Variants in ZNF124 observed in about 807,000 individuals in gnomAD.
ZNF124 encodes zinc finger protein HZF-16.
ZNF124 carries 25 observed loss-of-function variants against 26.6 expected under a neutral mutation model. That is an observed-to-expected ratio of 0.94 (90% CI 0.68 to 1.31). ZNF124 has a LOEUF of 1.31. Among genes scored for constraint, ZNF124 ranks in the 40% most tolerant of loss-of-function variants. The probability of loss-of-function intolerance (pLI) is 0.00; values close to 1 mark genes in which losing one functional copy is unlikely to be tolerated. For missense variants in ZNF124, 444 were observed against 422.2 expected, an observed-to-expected ratio of 1.05 and a Z score of -0.45; for synonymous variants, 129 against 133.3, an observed-to-expected ratio of 0.97 and a Z score of 0.22.
chr1:247,125,944 T>C (rs1672207903), intron 3 of ZNF124, among the ~76,000 whole-genome samples: 2 of 150,916 alleles, frequency 1.3e-5, no homozygotes, highest in Non-Finnish European at 1.5e-5. Context: ...GTAAATATTG[T>C]ACAATTGTAT....
At chr1:247,143,299 AAAGT>A (rs1278650841) in intron 3 of ZNF124, among the ~76,000 whole-genome samples, 1 of 152,236 alleles carries the variant, frequency 6.6e-6, no homozygotes, top group Non-Finnish European at 1.5e-5. Context: ...AAGGATTGTT[AAAGT>A]AAATTCAAAG....
chr1:247,150,270 G>A (rs900851955), downstream of ZNF124, among the ~76,000 whole-genome samples: 3 of 152,090 alleles, frequency 2.0e-5, no homozygotes, highest in African/African-American at 7.2e-5. Flanking sequence ...AATAAAATAT[G>A]AAAATAACTT....
intron 3 of ZNF124, among the ~76,000 whole-genome samples, chr1:247,147,162 C>T (rs1218422723): frequency 7.5e-6 from 1 of 133,346 alleles, no homozygotes; most frequent in Non-Finnish European, 1.6e-5. Flanking sequence ...AGTGTTTTAG[C>T]AAGTTTTTTT....
chr1:247,147,460 C>T (rs1038628389), intron 3 of ZNF124, among the ~76,000 whole-genome samples: 2 of 152,044 alleles, frequency 1.3e-5, no homozygotes, highest in East Asian at 1.9e-4. Context: ...CTCCTGACCT[C>T]GTGATCCACA....
exon 4 of ZNF124, chr1:247,122,836 G>C (rs1370085038): frequency 6.6e-6 from 1 of 152,274 alleles, no homozygotes; most frequent in Non-Finnish European, 1.5e-5. Context: ...GTGCTACAGA[G>C]AGATGTTTCT....
At chr1:247,130,874 A>C (rs1385031702) in intron 3 of ZNF124, among the ~76,000 whole-genome samples, 5 of 152,296 alleles carry the variant, frequency 3.3e-5, no homozygotes, top group Admixed American at 2.6e-4. Context: ...TCAGGAGTTC[A>C]AGACCAGCCT....
At chr1:247,124,320 A>T (rs1222818144) in intron 3 of ZNF124, among the ~76,000 whole-genome samples, 7 of 151,376 alleles carry the variant, frequency 4.6e-5, no homozygotes, top group Non-Finnish European at 1.0e-4. Flanking sequence ...TCTCCTGCCT[A>T]AGTCTCCTGC....
chr1:247,138,586 G>A (rs1326163223), intron 3 of ZNF124: 1 of 391,256 alleles, frequency 2.6e-6, no homozygotes, highest in African/African-American at 2.1e-5. Flanking sequence ...GTTTTCGTTT[G>A]TTTTAGAAGA....
intron 3 of ZNF124, among the ~76,000 whole-genome samples, chr1:247,130,221 A>G (rs988337136): frequency 1.3e-5 from 2 of 152,222 alleles, no homozygotes; most frequent in Non-Finnish European, 2.9e-5. Flanking sequence ...AAAATATTAG[A>G]TATCTAGTCA....
chr1:247,156,874 G>T lies in ZNF124; in HGVS notation c.748C>A (p.Gln250Lys). 6.2e-7 allele frequency: 1 copy of T among 1,613,664 alleles called. No individual in the cohort carries two copies. Among genetic ancestry groups the T allele is most frequent in the South Asian group, 1.1e-5 (1 of 91,048 alleles). Reference protein sequence around the residue: ...GKAFSCLSSLQGHIKAHAGEE... With the variant: ...GKAFSCLSSLKGHIKAHAGEE... ...CCAGCATGAGCCTTTATATGTCCTT[G>T]CAAGGAACTGAGACAACTGAAAGCT... The change falls in exon 4 of 4, where the codon CAA becomes AAA. Residue 250 changes from glutamine (Q) to lysine (K), a missense_variant. Coordinates refer to ENST00000543802, the MANE Select transcript of ZNF124 (RefSeq NM_001297568.2).
In ZNF124 at chr1:247,157,090, A is replaced by G; in HGVS notation, c.532T>C (p.Tyr178His). 1 of 1,614,204 alleles carries G rather than the reference A, an allele frequency of 6.2e-7. No homozygotes were observed. The highest frequency in any genetic ancestry group is 8.5e-7 in the Non-Finnish European group (1 of 1,180,034). The change falls in exon 4 of 4, where the codon TAT becomes CAT. Residue 178 changes from tyrosine (Y) to histidine (H), a missense_variant. Tyr to His is a moderately conservative substitution (Grantham distance 83). Coordinates refer to ENST00000543802, the MANE Select transcript of ZNF124 (RefSeq NM_001297568.2). ...GCTTTCCCACATTGCTTACATTCAT[A>G]GCGTTTTTCTCCAGTGTGAATCCTT... ...HKRIHTGEKR[Y>H]ECKQCGKAFS...
At chr1:247,167,552 T>C (rs547010350) in intron 1 of ZNF124, among the ~76,000 whole-genome samples, 1 of 152,320 alleles carries the variant, frequency 6.6e-6, no homozygotes, top group African/African-American at 2.4e-5. Flanking sequence ...TAGAATTTCA[T>C]TTGAAACTAC....
chr1:247,139,715 C>A (rs552983368), intron 3 of ZNF124, among the ~76,000 whole-genome samples: 11 of 152,132 alleles, frequency 7.2e-5, no homozygotes. Context: ...TCAGCATTTG[C>A]TTGTCTGAAA....
intron 1 of ZNF124, among the ~76,000 whole-genome samples, chr1:247,160,722 C>A (rs1673431985): frequency 6.6e-6 from 1 of 152,184 alleles, no homozygotes; most frequent in Non-Finnish European, 1.5e-5. Flanking sequence ...ACTCTGAGCA[C>A]TGAGTATCTG....
exon 4 of ZNF124, chr1:247,123,663 G>A (rs977972101): frequency 1.7e-6 from 1 of 577,986 alleles, no homozygotes; most frequent in Non-Finnish European, 3.1e-6. Context: ...AGTACTAGAT[G>A]GATCCCAATC....
chr1:247,169,798 G>A (rs1476962328), intron 1 of ZNF124, among the ~76,000 whole-genome samples: 1 of 108,776 alleles, frequency 9.2e-6, no homozygotes, highest in East Asian at 2.1e-4. Context: ...GAGTGATAAC[G>A]GGGGTAAGAG....
Position 247,155,782 on chromosome 1 carries a change from A to G in ZNF124, c.*784T>C, listed in dbSNP as rs1673093835. ...AGGCTGAGGCAGGAGAATGGCGTGA[A>G]CCTGGGAGGCAGAGCTTACAGTGAA... On this transcript the variant is annotated 3_prime_UTR_variant, in exon 4 of 4. Coordinates refer to ENST00000543802, the MANE Select transcript of ZNF124 (RefSeq NM_001297568.2). 3 of 341,244 alleles carry G rather than the reference A, an allele frequency of 8.8e-6. No homozygotes were observed. Among genetic ancestry groups the G allele is most frequent in the African/African-American group, 2.2e-5 (1 of 44,524 alleles). The allele number at this position is 341,244 out of a possible 1,614,324, so 21.1% of individuals were successfully genotyped here.
intron 3 of ZNF124, among the ~76,000 whole-genome samples, chr1:247,141,663 T>C (rs944628529): frequency 6.6e-6 from 1 of 152,090 alleles, no homozygotes; most frequent in African/African-American, 2.4e-5. Context: ...GTGGGTATGC[T>C]CAGCCATGGG....
In ZNF124 at chr1:247,127,835, G is replaced by A. The variant is rs1460120581; in HGVS notation, c.219-3964C>T. Reference sequence around the variant, plus strand: ...TTTTGGAGACGTGAGTCTTGCCAAAGCTTCCGGCAGAATGAAGCCCTTCCT... The same window carrying A: ...TTTTGGAGACGTGAGTCTTGCCAAAACTTCCGGCAGAATGAAGCCCTTCCT... On this transcript the variant is annotated intron_variant, in intron 3 of 3. Coordinates refer to the ZNF124 transcript ENST00000472531. 3.4e-5 allele frequency among the ~76,000 whole-genome samples: 5 copies of A among 148,964 alleles called. No homozygotes were observed. The Admixed American group carries it at 3.4e-4, about 10-fold the overall frequency.
Sources: allele counts gnomAD v4.1 joint callset (sites outside exome capture counted in the v4.1 genomes callset), GRCh38; gene constraint gnomAD v4.1.1; transcripts MANE v1.5; gene names NCBI Gene and HGNC (gene_info 2026-07-23, HGNC 2026-07-21).